The following NOC2L variants were observed in gnomAD, a reference collection of about 807,000 sequenced individuals.
NOC2L encodes nucleolar complex protein 2 homolog.
Under a neutral mutation model 94.2 loss-of-function variants are expected in NOC2L, and 101 were observed. The ratio of observed to expected loss-of-function variants is 1.07; its 90% CI spans 0.91 to 1.26. The LOEUF (loss-of-function observed/expected upper bound fraction) is 1.26. Among genes scored for constraint, NOC2L ranks in the 50% most tolerant of loss-of-function variants. The pLI is 0.00. For synonymous variants in NOC2L, 531 were observed against 413.4 expected (o/e 1.28, Z -3.45); for missense variants, 1,076 against 980.1 (o/e 1.10, Z -1.31).
chr1:955,930 T>TATG lies in NOC2L; in HGVS notation c.690_691insCAT (p.Asp230_Ser231insHis), dbSNP rs774151313. The TATG allele has an allele frequency of 1.3e-6, 2 of 1,576,884 alleles. No homozygotes were observed. The highest frequency in any genetic ancestry group is 1.7e-6 in the Non-Finnish European group (2 of 1,152,802). ...CACCCCCTCCCCTCTTACCTGCTGC[T>TATG]ATCCTTTGCCACCTTTCCAAACAGC... is the stretch of plus-strand genomic sequence containing the variant. On this transcript the variant is annotated inframe_insertion, in exon 6 of 19. Coordinates refer to ENST00000327044, the MANE Select transcript of NOC2L (RefSeq NM_015658.4).
Position 954,080 on chromosome 1 carries a change from A to T in NOC2L, c.701T>A (p.Met234Lys). The change falls in exon 7 of 19, where the codon ATG becomes AAG. Residue 234 changes from methionine (M) to lysine (K), a missense_variant and splice_region_variant. Physicochemically the swap from Met to Lys is moderately conservative, Grantham distance 95. Transcript: ENST00000327044. ...FGKVAKDSSR[M>K]LQPSSSPLWG... Reference sequence around the variant, plus strand: ...GAGCGGGCTGCTGGACGGCTGCAGCATCCTGCAGAGAGACCACCCACCCCT... The same window carrying T: ...GAGCGGGCTGCTGGACGGCTGCAGCTTCCTGCAGAGAGACCACCCACCCCT... 1 of 1,611,614 alleles carries T rather than the reference A, an allele frequency of 6.2e-7. No homozygotes were observed. Among genetic ancestry groups the T allele is most frequent in the Non-Finnish European group, 8.5e-7 (1 of 1,178,852 alleles).
At position 956,209 on chromosome 1, in the gene NOC2L, G is replaced by A. The variant is rs771368142; in HGVS notation, c.493C>T (p.Leu165Phe). ...ACTTCATGGAACAGCTTTGGAGTGA[G>A]GCGTTGCTGAAGGAGCAAGAGTACC... ...ERWKQAAKQR[L>F]TPKLFHEVVQ... is the part of the protein sequence containing the mutation. The change falls in exon 5 of 19, where the codon CTC becomes TTC. Residue 165 changes from leucine to phenylalanine, a missense_variant. Physicochemically the swap from Leu to Phe is conservative, Grantham distance 22. Transcript: ENST00000327044. 2.5e-6 allele frequency: 4 copies of A among 1,613,586 alleles called. No homozygotes were observed. The highest frequency in any genetic ancestry group is 1.1e-5 in the South Asian group (1 of 91,078).
At chr1:945,373 C>A (rs758963594) in intron 17 of NOC2L, 145 bp downstream of exon 17, 2 of 1,078,586 alleles carry the variant, frequency 1.9e-6, no homozygotes, top group Non-Finnish European at 2.6e-6. Flanking sequence ...GCACCAGAAG[C>A]CTGGCAACAC....
At position 957,205 on chromosome 1, in the gene NOC2L, A is replaced by G; in HGVS notation, c.248T>C (p.Phe83Ser). 1 of 1,613,960 alleles carries G rather than the reference A, an allele frequency of 6.2e-7. No individual in the cohort carries two copies. Among genetic ancestry groups the G allele is most frequent in the Non-Finnish European group, 8.5e-7 (1 of 1,180,030 alleles). The change falls in exon 3 of 19, where the codon TTC (phenylalanine) becomes TCC (serine). Residue 83 changes from phenylalanine to serine, a missense_variant. This residue lies in a region of NOC2L where 457 missense variants were observed against 386.0 expected (regional missense o/e 1.18). Coordinates refer to ENST00000327044, the MANE Select transcript of NOC2L (RefSeq NM_015658.4). Reference protein sequence around the residue: ...LSRLKDRDPEFYKFLQENDQS... With the variant: ...LSRLKDRDPESYKFLQENDQS... Reference sequence around the variant, plus strand: ...GTCATTCTCCTGCAGGAACTTGTAGAACTCGGGGTCTCTGTCCTTCAGCCG... The same window carrying G: ...GTCATTCTCCTGCAGGAACTTGTAGGACTCGGGGTCTCTGTCCTTCAGCCG...
At chr1:950,032 A>G (rs1256376429) in intron 12 of NOC2L, among the ~76,000 whole-genome samples, 1 of 152,234 alleles carries the variant, frequency 6.6e-6, no homozygotes, top group Non-Finnish European at 1.5e-5. Context: ...TTCGGACTCC[A>G]ATCTTTCCCT....
chr1:956,258 T>C (rs566871998), intron 4 of NOC2L, 43 bp from the exon 5 acceptor site: 3 of 1,606,104 alleles, frequency 1.9e-6, no homozygotes, highest in East Asian at 2.2e-5. Context: ...GAGCTGAGAC[T>C]GCACTTGGCA....
intron 12 of NOC2L, 120 bp from the exon 13 acceptor site, chr1:948,723 C>CTGGCTGGACCCTGGTCACT: frequency 2.9e-6 from 2 of 679,884 alleles, no homozygotes; most frequent in Non-Finnish European, 2.6e-6. Context: ...CCCTGGTCAC[C>CTGGCTGGACCCTGGTCACT]CTGGTCCTCA....
At position 954,139 on chromosome 1, in the gene NOC2L, G is replaced by A. The variant is rs1008027715; in HGVS notation, c.699-57C>T. 6 of 1,547,158 alleles carry A rather than the reference G, an allele frequency of 3.9e-6. No homozygotes were observed. In the Admixed American group the frequency reaches 6.9e-5, roughly 18 times the overall value. Reference sequence around the variant, plus strand: ...GGCCCCACGGCTCGGACGCGAGGCTGCTCAGCATGTTGGCGCGTGCCCTGG... The same window carrying A: ...GGCCCCACGGCTCGGACGCGAGGCTACTCAGCATGTTGGCGCGTGCCCTGG... On this transcript the variant is annotated intron_variant, in intron 6 of 18. Coordinates refer to ENST00000327044, the MANE Select transcript of NOC2L (RefSeq NM_015658.4).
chr1:947,996 G>A, intron 14 of NOC2L, 135 bp downstream of exon 14: 3 of 690,392 alleles, frequency 4.3e-6, no homozygotes, highest in South Asian at 3.5e-5. Context: ...GCCTCACGGG[G>A]CGCGTTGCCA....
At chr1:950,845 T>C (rs1235071549) in intron 12 of NOC2L, among the ~76,000 whole-genome samples, 1 of 152,118 alleles carries the variant, frequency 6.6e-6, no homozygotes, top group East Asian at 1.9e-4. Flanking sequence ...TTTTGGCCCA[T>C]CTCGCCTCCT....
chr1:948,320 G>C, intron 13 of NOC2L, 88 bp from the exon 14 acceptor site: 1 of 1,200,862 alleles, frequency 8.3e-7, no homozygotes. Context: ...TCAGGGCAGC[G>C]CCATCTCCAG....
chr1:956,081 C>G lies in NOC2L; in HGVS notation c.607+14G>C, dbSNP rs760893374. ...CAACAGACAGCCTGGATGCCAGGCT[C>G]CCCCCAAGCTCACCAGCACTGTCCG... On this transcript the variant is annotated intron_variant, in intron 5 of 18. Coordinates refer to ENST00000327044, the MANE Select transcript of NOC2L (RefSeq NM_015658.4). 2.7e-5 allele frequency: 43 copies of G among 1,613,878 alleles called. No homozygotes were observed. The highest frequency in any genetic ancestry group is 3.6e-5 in the Non-Finnish European group (43 of 1,180,010).
At position 944,632 on chromosome 1, in the gene NOC2L, A is replaced by G. The variant is rs182573722; in HGVS notation, c.*62T>C. On this transcript the variant is annotated 3_prime_UTR_variant, in exon 19 of 19. Coordinates refer to ENST00000327044, the MANE Select transcript of NOC2L (RefSeq NM_015658.4). ...ACGCCAGCCTCTAGGCCTGACTGCCAGGGAGGTGGAAACACTGGCCACCAG... is the reference window on the plus strand; with the variant it reads ...ACGCCAGCCTCTAGGCCTGACTGCCGGGGAGGTGGAAACACTGGCCACCAG... The G allele has an allele frequency of 2.4e-4, 250 of 1,035,788 alleles. 1 individual carries two copies. In the African/African-American group the frequency reaches 3.6e-3, roughly 15 times the overall value. 64.2% of individuals were successfully genotyped at this position (1,035,788 alleles called of 1,614,324 possible).
chr1:951,862 C>T (rs923310434), intron 11 of NOC2L, 138 bp downstream of exon 11: 1 of 960,962 alleles, frequency 1.0e-6, no homozygotes, highest in South Asian at 1.7e-5. Context: ...GGTACAGGGA[C>T]CCCAGCCCTT....
rs2100397004 is a variant in NOC2L, at chr1:956,918, A to T, written c.462T>A (p.Val154=). ...CCTTTGCTGCCTGCTTCCATCTCTC[A>T]ACCATGGCGACGGTCACAGGAACAG... is the stretch of plus-strand genomic sequence containing the variant. ...KNSVPVTVAM[V]ERWKQAAKQR... The change falls in exon 4 of 19, where the codon GTT becomes GTA. Residue 154 remains valine (V), a synonymous_variant. Transcript: ENST00000327044. 1.2e-6 allele frequency: 2 copies of T among 1,613,930 alleles called. No individual in the cohort carries two copies. Among genetic ancestry groups the T allele is most frequent in the East Asian group, 4.5e-5 (2 of 44,876 alleles).
At chr1:947,773 C>T (rs1016771137) in intron 14 of NOC2L, among the ~76,000 whole-genome samples, 22 of 152,226 alleles carry the variant, frequency 1.4e-4, no homozygotes, top group Non-Finnish European at 2.8e-4. Flanking sequence ...CCACCCACTC[C>T]CCACACCCGG....
intron 12 of NOC2L, among the ~76,000 whole-genome samples, chr1:949,802 G>A (rs1642203524): frequency 6.6e-6 from 1 of 152,170 alleles, no homozygotes; most frequent in Admixed American, 6.5e-5. Context: ...GCTTCCTAAA[G>A]ATGTTCAGCA....
intron 9 of NOC2L, among the ~76,000 whole-genome samples, chr1:952,932 C>T (rs1178855951): frequency 6.6e-6 from 1 of 152,200 alleles, no homozygotes; most frequent in East Asian, 1.9e-4. Context: ...CAGAGAGGCC[C>T]TCCCCTGGGG....
At chr1:950,794 C>A (rs976517131) in intron 12 of NOC2L, among the ~76,000 whole-genome samples, 2 of 152,176 alleles carry the variant, frequency 1.3e-5, no homozygotes, top group Non-Finnish European at 2.9e-5. Flanking sequence ...ACTGTCAGGG[C>A]AGGGCACTGT....
Sources: gnomAD v4.1 joint callset for allele counts (sites outside exome capture counted in the v4.1 genomes callset) on GRCh38, gnomAD v4.1.1 for gene constraint, gnomAD v4.1.1 regional missense constraint, MANE v1.5 for transcripts, NCBI Gene and HGNC (gene_info 2026-07-23, HGNC 2026-07-21) for gene names.